CDC42SE2: variants seen among roughly 807,000 people sequenced by gnomAD.
CDC42SE2 encodes CDC42 small effector 2.
CDC42SE2 carries 3 observed loss-of-function variants against 11.5 expected under a neutral mutation model. That is an observed-to-expected ratio of 0.26 (90% CI 0.12 to 0.67). The LOEUF (loss-of-function observed/expected upper bound fraction) is 0.67. Ranked by LOEUF, CDC42SE2 falls within the 30% of genes least tolerant of loss-of-function variation. CDC42SE2 has a pLI of 0.80. For missense variants in CDC42SE2, 82 were observed against 106.8 expected, an observed-to-expected ratio of 0.77 and a Z score of 1.02; for synonymous variants, 33 against 34.8, an observed-to-expected ratio of 0.95 and a Z score of 0.18.
chr5:131,282,662 T>C (rs1410141055), intron 1 of CDC42SE2, among the ~76,000 whole-genome samples: 9 of 152,126 alleles, frequency 5.9e-5, no homozygotes, highest in Non-Finnish European at 8.8e-5. Context: ...GGAATCTTGC[T>C]CTGTCACCTA....
chr5:131,371,546 A>G (rs1750012650), intron 3 of CDC42SE2, among the ~76,000 whole-genome samples: 1 of 152,240 alleles, frequency 6.6e-6, no homozygotes, highest in Admixed American at 6.5e-5. Context: ...CTTTTGTGAA[A>G]TGAAAATAAT....
chr5:131,259,725 G>A (rs1176165566), upstream of CDC42SE2, among the ~76,000 whole-genome samples: 1 of 152,218 alleles, frequency 6.6e-6, no homozygotes, highest in African/African-American at 2.4e-5. Context: ...CTTAAGCCAG[G>A]ACAAGAGATT....
intron 2 of CDC42SE2, among the ~76,000 whole-genome samples, chr5:131,332,170 A>G (rs1401759092): frequency 6.6e-6 from 1 of 151,480 alleles, no homozygotes; most frequent in African/African-American, 2.4e-5. Context: ...TCCTGTGTCC[A>G]TGTGTTCTCA....
At chr5:131,214,387 A>T in the CDC42SE2 span, among the ~76,000 whole-genome samples, 1 of 152,172 alleles carries the variant, frequency 6.6e-6, no homozygotes, top group Non-Finnish European at 1.5e-5. Context: ...GAAGAAAAAA[A>T]ATTAAAAATA....
intron 4 of CDC42SE2, among the ~76,000 whole-genome samples, chr5:131,388,446 A>G (rs187927404): frequency 6.6e-6 from 1 of 152,370 alleles, no homozygotes; most frequent in African/African-American, 2.4e-5. Context: ...CTGAGCAGCT[A>G]GTATTAGGAA....
the CDC42SE2 span, among the ~76,000 whole-genome samples, chr5:131,226,793 C>T: frequency 6.6e-6 from 1 of 152,190 alleles, no homozygotes; most frequent in African/African-American, 2.4e-5. Flanking sequence ...TACTCAGCAG[C>T]TACCAGTACC....
chr5:131,341,913 A>G (rs1414381095), intron 2 of CDC42SE2, among the ~76,000 whole-genome samples: 4 of 151,336 alleles, frequency 2.6e-5, no homozygotes, highest in Non-Finnish European at 5.9e-5. Flanking sequence ...AAAAAAAAAG[A>G]TAGCTAATTA....
At chr5:131,275,341 G>A (rs1757079989) in intron 1 of CDC42SE2, among the ~76,000 whole-genome samples, 1 of 150,734 alleles carries the variant, frequency 6.6e-6, no homozygotes, top group South Asian at 2.1e-4. Flanking sequence ...CTTTAGCCCA[G>A]GCTAGAGTGC....
At chr5:131,270,417 T>G (rs984592789) in intron 1 of CDC42SE2, among the ~76,000 whole-genome samples, 5 of 152,190 alleles carry the variant, frequency 3.3e-5, no homozygotes, top group Non-Finnish European at 7.4e-5. Context: ...ATAAAATTAT[T>G]TTTGTTTCAT....
chr5:131,306,949 C>A (rs867287958), intron 1 of CDC42SE2, among the ~76,000 whole-genome samples: 1 of 152,036 alleles, frequency 6.6e-6, no homozygotes, highest in African/African-American at 2.4e-5. Flanking sequence ...TTGTACCCTG[C>A]AACTTTACTT....
chr5:131,348,348 A>G (rs749063515), intron 2 of CDC42SE2, among the ~76,000 whole-genome samples: 1 of 152,140 alleles, frequency 6.6e-6, no homozygotes, highest in Non-Finnish European at 1.5e-5. Flanking sequence ...TTATACATCA[A>G]TAACAGACAG....
At chr5:131,220,960 C>T in the CDC42SE2 span, among the ~76,000 whole-genome samples, 1 of 150,432 alleles carries the variant, frequency 6.6e-6, no homozygotes, top group Middle Eastern at 3.2e-3. Flanking sequence ...TCTTGGCTCA[C>T]TGCAGCCTCC....
At chr5:131,282,742 C>T (rs537598987) in intron 1 of CDC42SE2, among the ~76,000 whole-genome samples, 1 of 152,044 alleles carries the variant, frequency 6.6e-6, no homozygotes, top group East Asian at 1.9e-4. Context: ...CATTCTCCTG[C>T]CTCAGCCTCC....
chr5:131,291,416 TACTATCCACTCGGAATTGAAA>T (rs1757455417), intron 1 of CDC42SE2, among the ~76,000 whole-genome samples: 1 of 152,192 alleles, frequency 6.6e-6, no homozygotes, highest in South Asian at 2.1e-4. Context: ...CAGTTTATTT[TACTATCCACTCGGAATTGAAA>T]ACTACGTTTT....
chr5:131,329,606 C>T (rs903921883), intron 2 of CDC42SE2, among the ~76,000 whole-genome samples: 4 of 152,022 alleles, frequency 2.6e-5, no homozygotes, highest in South Asian at 4.2e-4. Context: ...AGGCTGGGCG[C>T]GGTAGCTCAC....
At chr5:131,266,934 T>A (rs1756878171) in intron 1 of CDC42SE2, among the ~76,000 whole-genome samples, 1 of 149,210 alleles carries the variant, frequency 6.7e-6, no homozygotes, top group South Asian at 2.1e-4. Flanking sequence ...AGGTGTGATG[T>A]GTTAAGTAAA....
chr5:131,346,099 G>A (rs1056816488), intron 2 of CDC42SE2, among the ~76,000 whole-genome samples: 5 of 152,132 alleles, frequency 3.3e-5, no homozygotes, highest in Non-Finnish European at 5.9e-5. Flanking sequence ...ATCAACTAAC[G>A]AGCAAAATAA....
intron 1 of CDC42SE2, among the ~76,000 whole-genome samples, chr5:131,264,609 G>A (rs1186531294): frequency 6.6e-6 from 1 of 151,210 alleles, no homozygotes. Context: ...ACCTGGCTCC[G>A]GAGCTCCGAC....
At chr5:131,230,960 TAC>T in the CDC42SE2 span, among the ~76,000 whole-genome samples, 5 of 152,208 alleles carry the variant, frequency 3.3e-5, no homozygotes, top group African/African-American at 9.7e-5. Context: ...TAAACATACA[TAC>T]ACACACATGT....
Sources: allele counts gnomAD v4.1 joint callset (sites outside exome capture counted in the v4.1 genomes callset), GRCh38; gene constraint gnomAD v4.1.1; transcripts MANE v1.5; gene names NCBI Gene and HGNC (gene_info 2026-07-23, HGNC 2026-07-21).